Variants in GALNT13 observed in about 807,000 individuals in gnomAD.
GALNT13 encodes the protein UDP-GalNAc:polypeptide N-acetylgalactosaminyltransferase 13.
GALNT13 carries 28 observed loss-of-function variants against 64.2 expected under a neutral mutation model. The observed-to-expected ratio is 0.44, with a 90% CI of 0.32 to 0.60. The LOEUF is 0.60. GALNT13 is among the 20% of genes least tolerant of loss of function. The pLI is 0.05. For synonymous variants in GALNT13, 214 were observed against 224.6 expected (o/e 0.95, Z 0.42); for missense variants, 577 against 669.8 (o/e 0.86, Z 1.53).
At chr2:153,358,742 T>C in the GALNT13 span, among the ~76,000 whole-genome samples, 1 of 152,140 alleles carries the variant, frequency 6.6e-6, no homozygotes, top group African/African-American at 2.4e-5. Flanking sequence ...CATGTGCCAG[T>C]AATCCATATT....
chr2:154,177,444 A>G (rs1685713857), intron 4 of GALNT13, among the ~76,000 whole-genome samples: 1 of 152,134 alleles, frequency 6.6e-6, no homozygotes, highest in Non-Finnish European at 1.5e-5. Flanking sequence ...ATTTTAGGGC[A>G]TTGAAAATAC....
the GALNT13 span, among the ~76,000 whole-genome samples, chr2:153,666,776 A>G: frequency 2.0e-5 from 3 of 152,170 alleles, no homozygotes; most frequent in African/African-American, 4.8e-5. Context: ...TTACCTCCCA[A>G]TGACTGGACT....
chr2:153,670,323 C>T, the GALNT13 span, among the ~76,000 whole-genome samples: 10 of 152,154 alleles, frequency 6.6e-5, no homozygotes, highest in African/African-American at 1.9e-4. Context: ...AGGTGGTTGC[C>T]TCTCTGGGAC....
chr2:153,103,828 C>T, the GALNT13 span, among the ~76,000 whole-genome samples: 13 of 152,332 alleles, frequency 8.5e-5, no homozygotes, highest in African/African-American at 3.1e-4. Context: ...AATTAATCTG[C>T]TGCTTGGCTG....
chr2:153,274,265 C>T, the GALNT13 span, among the ~76,000 whole-genome samples: 3 of 152,102 alleles, frequency 2.0e-5, no homozygotes, highest in African/African-American at 7.2e-5. Flanking sequence ...GGAGACTTGG[C>T]CTGCCAGGTG....
chr2:153,961,072 A>G (rs1692911347), intron 3 of GALNT13, among the ~76,000 whole-genome samples: 1 of 152,226 alleles, frequency 6.6e-6, no homozygotes, highest in Non-Finnish European at 1.5e-5. Context: ...TATATCAGTT[A>G]TACCTCAATA....
the GALNT13 span, among the ~76,000 whole-genome samples, chr2:153,428,049 G>A: frequency 2.6e-5 from 4 of 152,286 alleles, no homozygotes; most frequent in Admixed American, 6.5e-5. Context: ...AGTAAGACAT[G>A]CATTCAATAC....
chr2:154,033,063 A>G (rs1165361230), intron 3 of GALNT13, among the ~76,000 whole-genome samples: 2 of 151,842 alleles, frequency 1.3e-5, no homozygotes, highest in African/African-American at 4.8e-5. Context: ...TTTTCTTAAA[A>G]AGGTGCAGAA....
chr2:153,097,383 A>G, the GALNT13 span, among the ~76,000 whole-genome samples: 1 of 151,946 alleles, frequency 6.6e-6, no homozygotes, highest in Non-Finnish European at 1.5e-5. Context: ...GTGATTATTT[A>G]TTTCTCATTA....
chr2:154,423,594 A>T (rs1361822508), intron 11 of GALNT13, among the ~76,000 whole-genome samples: 7 of 152,188 alleles, frequency 4.6e-5, no homozygotes. Context: ...AAATGTATGA[A>T]TCTTAATGTG....
the GALNT13 span, among the ~76,000 whole-genome samples, chr2:153,344,989 A>C: frequency 1.3e-5 from 2 of 152,248 alleles, no homozygotes; most frequent in Non-Finnish European, 2.9e-5. Flanking sequence ...GGCAGAACAC[A>C]GAAATATAAC....
At chr2:153,780,230 T>TATATATATATGC in the GALNT13 span, among the ~76,000 whole-genome samples, 1 of 8,918 alleles carries the variant, frequency 1.1e-4, no homozygotes, top group African/African-American at 2.9e-4. Context: ...TATATATATA[T>TATATATATATGC]ATATATATAT....
chr2:153,350,706 A>G, the GALNT13 span, among the ~76,000 whole-genome samples: 1 of 152,206 alleles, frequency 6.6e-6, no homozygotes, highest in Non-Finnish European at 1.5e-5. Flanking sequence ...TTTCTAATTA[A>G]TATTACCTCA....
chr2:153,691,652 C>G, the GALNT13 span, among the ~76,000 whole-genome samples: 1 of 151,750 alleles, frequency 6.6e-6, no homozygotes, highest in Non-Finnish European at 1.5e-5. Context: ...AGAAAAAAAC[C>G]CTCAATTTTA....
At chr2:154,101,609 A>T (rs1003151356) in intron 3 of GALNT13, among the ~76,000 whole-genome samples, 1 of 151,942 alleles carries the variant, frequency 6.6e-6, no homozygotes, top group East Asian at 1.9e-4. Context: ...TTAACTTTCA[A>T]TTTCATTAAT....
the GALNT13 span, among the ~76,000 whole-genome samples, chr2:153,856,277 G>A: frequency 6.6e-5 from 10 of 152,100 alleles, no homozygotes; most frequent in Non-Finnish European, 1.2e-4. Context: ...CAGATGACTG[G>A]TAGGTAGGCA....
intron 9 of GALNT13, among the ~76,000 whole-genome samples, chr2:154,343,085 G>C (rs921252347): frequency 2.6e-5 from 4 of 151,828 alleles, no homozygotes; most frequent in Non-Finnish European, 2.9e-5. Flanking sequence ...GGTGGATCTG[G>C]GTTTTACATC....
chr2:153,235,209 A>G, the GALNT13 span, among the ~76,000 whole-genome samples: 8 of 152,310 alleles, frequency 5.3e-5, no homozygotes, highest in Admixed American at 1.3e-4. Flanking sequence ...AATGAGGTCA[A>G]TTAATAACTC....
chr2:153,617,467 A>AT, the GALNT13 span, among the ~76,000 whole-genome samples: 1 of 151,834 alleles, frequency 6.6e-6, no homozygotes, highest in Non-Finnish European at 1.5e-5. Context: ...GCTTTCTAGT[A>AT]TTTTGTTGAT....
Sources: gnomAD v4.1 joint callset for allele counts (sites outside exome capture counted in the v4.1 genomes callset) on GRCh38, gnomAD v4.1.1 for gene constraint, MANE v1.5 for transcripts, NCBI Gene and HGNC (gene_info 2026-07-23, HGNC 2026-07-21) for gene names.